CELF2: variants seen among roughly 807,000 people sequenced by gnomAD.
CELF2 encodes the protein CUG triplet repeat RNA-binding protein 2.
A neutral mutation model predicts 62.6 loss-of-function variants in CELF2; 8 were observed. That is an observed-to-expected ratio of 0.13 (90% CI 0.07 to 0.23). CELF2 has a LOEUF of 0.23. CELF2 is among the 10% of genes least tolerant of loss of function. The pLI, the probability that CELF2 is intolerant of heterozygous loss-of-function variation, is 1.00. For missense variants in CELF2, 333 were observed against 671.0 expected, an observed-to-expected ratio of 0.50 and a Z score of 5.56; for synonymous variants, 258 against 250.0, an observed-to-expected ratio of 1.03 and a Z score of -0.30.
chr10:11,089,171 A>G lies in CELF2; in HGVS notation c.74+71008A>G, dbSNP rs563511699. Among the ~76,000 whole-genome samples the G allele has an allele frequency of 2.0e-5, 3 of 152,330 alleles. No individual in the cohort carries two copies. In the South Asian group the frequency reaches 6.2e-4, roughly 32 times the overall value. On this transcript the variant is annotated intron_variant, in intron 1 of 12. Coordinates refer to ENST00000633077, the MANE Select transcript of CELF2 (RefSeq NM_001326342.2). ...AGGAGAGGATTGGACTCCCACTGTC[A>G]TTGGGGATGGCAGGGTCACGTTGCA...
At chr10:10,661,786 T>C in the CELF2 span, among the ~76,000 whole-genome samples, 2 of 152,068 alleles carry the variant, frequency 1.3e-5, no homozygotes, top group African/African-American at 4.8e-5. Flanking sequence ...AGCAGGAACA[T>C]ATTAGGCAGG....
At chr10:10,705,932 T>C in the CELF2 span, among the ~76,000 whole-genome samples, 1 of 152,244 alleles carries the variant, frequency 6.6e-6, no homozygotes, top group Non-Finnish European at 1.5e-5. Context: ...CACCTACTTA[T>C]GATGTCCTTC....
At chr10:10,549,210 A>G in the CELF2 span, among the ~76,000 whole-genome samples, 2 of 152,166 alleles carry the variant, frequency 1.3e-5, no homozygotes, top group African/African-American at 4.8e-5. Context: ...GGCTTAAACC[A>G]TAGAGATTAA....
In CELF2 at chr10:11,039,753, TTA is replaced by T. The variant is rs2061515422; in HGVS notation, c.74+21596_74+21597del. Among the ~76,000 whole-genome samples the T allele has an allele frequency of 6.6e-6, 1 of 152,178 alleles. No individual in the cohort carries two copies. Among genetic ancestry groups the T allele is most frequent in the Non-Finnish European group, 1.5e-5 (1 of 68,024 alleles). On this transcript the variant is annotated intron_variant, in intron 1 of 12. Transcript: ENST00000633077. This position sits in a 1 kb window ranked among gnomAD's most constrained non-coding sequence, Gnocchi z 4.1. Reference sequence around the variant, plus strand: ...TAGTTTCATTTAGGAAAAAAGATAATTATATATCTATTACGTCTTACATTTTT... The same window carrying T: ...TAGTTTCATTTAGGAAAAAAGATAATTATATCTATTACGTCTTACATTTTT...
At chr10:11,017,826 G>T (rs2057494601), upstream of CELF2, 2 of 440,168 alleles carry the variant, frequency 4.5e-6, no homozygotes, top group Admixed American at 6.5e-5. The surrounding 1 kb of genome is among the most constrained non-coding windows in gnomAD (Gnocchi z 5.5). Flanking sequence ...GCTCTGGGCC[G>T]GCGGGCCCGC....
At chr10:11,125,842 G>A (rs1750726) in intron 1 of CELF2, among the ~76,000 whole-genome samples, 85,081 of 152,032 alleles carry the variant, frequency 0.56, 25,002 homozygotes, top group East Asian at 0.85. Context: ...TATGTCTGCT[G>A]TTTTTCAAAC....
At chr10:10,466,686 G>C in the CELF2 span, among the ~76,000 whole-genome samples, 1 of 152,240 alleles carries the variant, frequency 6.6e-6, no homozygotes, top group African/African-American at 2.4e-5. Flanking sequence ...GAGAATTCCA[G>C]TTGCTGGGTA....
intron 2 of CELF2, among the ~76,000 whole-genome samples, chr10:11,193,063 T>C (rs1020715811): frequency 6.6e-6 from 1 of 152,238 alleles, no homozygotes; most frequent in African/African-American, 2.4e-5. Context: ...CAACAACTAC[T>C]GCAGGTCATT....
chr10:10,487,015 A>AG, the CELF2 span, among the ~76,000 whole-genome samples: 4 of 152,158 alleles, frequency 2.6e-5, no homozygotes, highest in Non-Finnish European at 2.9e-5. Flanking sequence ...GTATATGCCT[A>AG]GGGGTGTGTT....
the CELF2 span, among the ~76,000 whole-genome samples, chr10:10,657,662 C>A: frequency 1.3e-5 from 2 of 152,100 alleles, no homozygotes; most frequent in African/African-American, 4.8e-5. Flanking sequence ...CAATACTACA[C>A]ATGCCTTAAG....
the CELF2 span, among the ~76,000 whole-genome samples, chr10:10,547,114 T>C: frequency 6.6e-6 from 1 of 152,026 alleles, no homozygotes; most frequent in African/African-American, 2.4e-5. Flanking sequence ...CTTAAAAAAA[T>C]TGATATTCAA....
At chr10:10,643,663 G>A in the CELF2 span, among the ~76,000 whole-genome samples, 1 of 152,094 alleles carries the variant, frequency 6.6e-6, no homozygotes, top group Non-Finnish European at 1.5e-5. Flanking sequence ...TTATAATGGA[G>A]GTTATAAAAC....
chr10:10,930,020 G>A (rs572003342), intron 2 of CELF2, among the ~76,000 whole-genome samples: 9 of 152,286 alleles, frequency 5.9e-5, no homozygotes, highest in African/African-American at 1.9e-4. Flanking sequence ...CAGCTCCATC[G>A]CAAATGTGGT....
In CELF2 at chr10:11,291,585, T is replaced by C. The variant is rs557359336; in HGVS notation, c.976+3033T>C. Among the ~76,000 whole-genome samples, 4 of 152,376 alleles carry C rather than the reference T, an allele frequency of 2.6e-5. No individual in the cohort carries two copies. The South Asian group carries it at 8.3e-4, about 32-fold the overall frequency. ...CCAGGTAAGTGCATATTATGCCTTT[T>C]ATGAGTTTCTCACGGGTCTTTTGAA... On this transcript the variant is annotated intron_variant, in intron 9 of 12. Transcript: ENST00000633077.
At chr10:11,171,840 T>G (rs2068968203) in intron 2 of CELF2, among the ~76,000 whole-genome samples, 1 of 138,166 alleles carries the variant, frequency 7.2e-6, no homozygotes, top group Non-Finnish European at 1.6e-5. Flanking sequence ...ACAAACCATT[T>G]GTTTCTTCTT....
the CELF2 span, among the ~76,000 whole-genome samples, chr10:10,620,947 A>AGC: frequency 1.0e-5 from 1 of 95,358 alleles, no homozygotes; most frequent in Non-Finnish European, 2.1e-5. Context: ...AAAAAGGCGG[A>AGC]GCGCGGTGGC....
intron 1 of CELF2, among the ~76,000 whole-genome samples, chr10:10,886,662 C>A (rs1289870614): frequency 6.6e-6 from 1 of 152,168 alleles, no homozygotes; most frequent in Non-Finnish European, 1.5e-5. Context: ...TACAGTGAGA[C>A]ACCATCTCTG....
At chr10:11,322,355 T>C (rs909421338) in intron 11 of CELF2, among the ~76,000 whole-genome samples, 18 of 152,208 alleles carry the variant, frequency 1.2e-4, no homozygotes, top group Admixed American at 1.1e-3. Context: ...CTCCAGGAAG[T>C]TAATGCTAAG....
At chr10:10,572,114 TGAGA>T in the CELF2 span, among the ~76,000 whole-genome samples, 1 of 152,146 alleles carries the variant, frequency 6.6e-6, no homozygotes, top group Non-Finnish European at 1.5e-5. Context: ...TATTAGTCCC[TGAGA>T]GAGTCTGGGC....
Sources: gnomAD v4.1 joint callset for allele counts (sites outside exome capture counted in the v4.1 genomes callset) on GRCh38, gnomAD v4.1.1 for gene constraint, Gnocchi (gnomAD v3.1) non-coding constraint, MANE v1.5 for transcripts, NCBI Gene and HGNC (gene_info 2026-07-23, HGNC 2026-07-21) for gene names.